CNTN4: variants seen among roughly 807,000 people sequenced by gnomAD.
CNTN4 encodes contactin-4.
CNTN4 carries 77 observed loss-of-function variants against 122.5 expected under a neutral mutation model. That is an observed-to-expected ratio of 0.63 (90% CI 0.52 to 0.76). CNTN4 has a LOEUF of 0.76. CNTN4 is among the 30% of genes least tolerant of loss of function. The pLI, the probability that CNTN4 is intolerant of heterozygous loss-of-function variation, is 0.00. For missense variants in CNTN4, 1,256 were observed against 1,259.1 expected (o/e 1.00, Z 0.04); for synonymous variants, 512 against 447.0 (o/e 1.15, Z -1.83).
intron 3 of CNTN4, among the ~76,000 whole-genome samples, chr3:2,428,022 T>C (rs1264969855): frequency 3.3e-5 from 5 of 152,170 alleles, no homozygotes; most frequent in Non-Finnish European, 5.9e-5. Context: ...TGACTCTTTA[T>C]CCAATTTGCC....
intron 2 of CNTN4, among the ~76,000 whole-genome samples, chr3:2,104,186 C>A (rs2032232330): frequency 6.6e-6 from 1 of 151,670 alleles, no homozygotes; most frequent in Admixed American, 6.6e-5. Flanking sequence ...TTCTGAACTC[C>A]TCTTTCTTCC....
chr3:2,395,283 A>G (rs2046600481), intron 3 of CNTN4, among the ~76,000 whole-genome samples: 1 of 152,198 alleles, frequency 6.6e-6, no homozygotes, highest in Non-Finnish European at 1.5e-5. Flanking sequence ...TTGTATTCAC[A>G]TACAACACCA....
intron 2 of CNTN4, among the ~76,000 whole-genome samples, chr3:2,256,421 A>G (rs536059249): frequency 6.6e-6 from 1 of 152,186 alleles, no homozygotes; most frequent in Non-Finnish European, 1.5e-5. Flanking sequence ...AAAAGAGGGA[A>G]TCCTCCCTAA....
chr3:2,781,606 C>A (rs1273780918), intron 6 of CNTN4, among the ~76,000 whole-genome samples: 2 of 151,602 alleles, frequency 1.3e-5, no homozygotes, highest in African/African-American at 4.8e-5. Context: ...TGCTTTTATA[C>A]ATTTTAGGGA....
intron 3 of CNTN4, among the ~76,000 whole-genome samples, chr3:2,445,009 A>AT: frequency 6.6e-6 from 1 of 151,538 alleles, no homozygotes. Context: ...TAAAAAAAAA[A>AT]AAAATCTATC....
chr3:2,373,068 T>C (rs58453831), intron 3 of CNTN4, among the ~76,000 whole-genome samples: 12,771 of 152,150 alleles, frequency 0.084, 1,117 homozygotes, highest in East Asian at 0.43. Context: ...TAAAATAAGA[T>C]AAATAGATTG....
chr3:2,654,804 C>T (rs2083510555), intron 4 of CNTN4, among the ~76,000 whole-genome samples: 1 of 152,158 alleles, frequency 6.6e-6, no homozygotes, highest in Non-Finnish European at 1.5e-5. Context: ...AAATAGGAAT[C>T]TGCAGGCCTT....
chr3:2,919,704 C>G (rs536813263), intron 12 of CNTN4, among the ~76,000 whole-genome samples: 1 of 152,090 alleles, frequency 6.6e-6, no homozygotes, highest in Non-Finnish European at 1.5e-5. Flanking sequence ...GAAATATCAC[C>G]AATTTGGACT....
At chr3:2,813,773 T>C (rs571097052) in intron 6 of CNTN4, among the ~76,000 whole-genome samples, 157 of 152,298 alleles carry the variant, frequency 1.0e-3, no homozygotes, top group African/African-American at 3.5e-3. Context: ...GTAAGATACT[T>C]CTTCCCCAGC....
intron 13 of CNTN4, among the ~76,000 whole-genome samples, chr3:2,931,553 C>T (rs1447122582): frequency 1.3e-5 from 2 of 152,104 alleles, no homozygotes; most frequent in Non-Finnish European, 2.9e-5. Context: ...AAAACCCTCA[C>T]CTTCTTTTCC....
At chr3:2,477,899 G>T (rs1208837187) in intron 3 of CNTN4, among the ~76,000 whole-genome samples, 1 of 152,092 alleles carries the variant, frequency 6.6e-6, no homozygotes, top group Non-Finnish European at 1.5e-5. Context: ...CTTAATAAAA[G>T]GCTATTAGTA....
At chr3:2,289,777 T>C (rs753973622) in intron 2 of CNTN4, among the ~76,000 whole-genome samples, 7 of 152,206 alleles carry the variant, frequency 4.6e-5, no homozygotes, top group Non-Finnish European at 8.8e-5. Context: ...TTTTGATCTC[T>C]TTCTAATTTT....
intron 2 of CNTN4, among the ~76,000 whole-genome samples, chr3:2,223,112 G>C (rs557884849): frequency 6.6e-5 from 10 of 152,226 alleles, no homozygotes; most frequent in African/African-American, 2.4e-4. Context: ...TGTTTTCTGT[G>C]TTAGGGTTTA....
chr3:2,312,277 G>A (rs142981326), intron 2 of CNTN4, among the ~76,000 whole-genome samples: 226 of 152,060 alleles, frequency 1.5e-3, no homozygotes, highest in South Asian at 6.8e-3. Flanking sequence ...CCAGTTGCTA[G>A]GTCTCCTTTT....
At chr3:2,976,924 C>T (rs186578135) in intron 13 of CNTN4, among the ~76,000 whole-genome samples, 68 of 150,662 alleles carry the variant, frequency 4.5e-4, no homozygotes, top group African/African-American at 1.5e-3. Flanking sequence ...TCAGGTAGGT[C>T]TATAGCATAC....
intron 2 of CNTN4, among the ~76,000 whole-genome samples, chr3:2,304,448 T>C (rs1227048260): frequency 6.6e-6 from 1 of 152,108 alleles, no homozygotes; most frequent in African/African-American, 2.4e-5. Context: ...CAGATTCTAT[T>C]AGTACTTTTA....
intron 4 of CNTN4, among the ~76,000 whole-genome samples, chr3:2,652,477 C>G (rs1412559198): frequency 1.3e-5 from 2 of 152,214 alleles, no homozygotes; most frequent in Non-Finnish European, 2.9e-5. Flanking sequence ...TGAAAGGGGA[C>G]TGCTGTGCAG....
chr3:2,343,480 C>T (rs2044283656), intron 3 of CNTN4, among the ~76,000 whole-genome samples: 1 of 152,160 alleles, frequency 6.6e-6, no homozygotes, highest in African/African-American at 2.4e-5. Context: ...CTCTCTGCAA[C>T]CAGTGAGACT....
Position 3,043,700 on chromosome 3 carries a change from A to G in CNTN4, c.2807A>G (p.Tyr936Cys). The G allele has an allele frequency of 6.2e-7, 1 of 1,607,038 alleles. No individual in the cohort carries two copies. The highest frequency in any genetic ancestry group is 1.1e-5 in the South Asian group (1 of 90,934). The change falls in exon 23 of 25, where the codon TAC (tyrosine) becomes TGC (cysteine). Residue 936 changes from tyrosine to cysteine, a missense_variant. Physicochemically the swap from Tyr to Cys is radical, Grantham distance 194. Transcript: ENST00000418658. The stretch of plus-strand genomic sequence containing the variant: ...GATAATGAGTCGGAAGTAAAAGGAT[A>G]CAAAGTAGGTAATTTCTTTTTTGCA... Reference protein sequence around the residue: ...ALDNESEVKGYKVLYRWNRQS... With the variant: ...ALDNESEVKGCKVLYRWNRQS...
Sources: allele counts gnomAD v4.1 joint callset (sites outside exome capture counted in the v4.1 genomes callset), GRCh38; gene constraint gnomAD v4.1.1; transcripts MANE v1.5; gene names NCBI Gene and HGNC (gene_info 2026-07-23, HGNC 2026-07-21).